The following GSTZ1 variants were observed in gnomAD, a reference collection of about 807,000 sequenced individuals.
GSTZ1 encodes the protein maleylacetoacetate isomerase.
Under a neutral mutation model 35.9 loss-of-function variants are expected in GSTZ1, and 34 were observed. The ratio of observed to expected loss-of-function variants is 0.95; its 90% confidence interval spans 0.72 to 1.26. GSTZ1 has a LOEUF of 1.26. Ranked by LOEUF, GSTZ1 falls within the 50% of genes most tolerant of loss-of-function variation. The probability of loss-of-function intolerance (pLI) is 0.00; values close to 1 mark genes in which losing one functional copy is unlikely to be tolerated. For missense variants in GSTZ1, 263 were observed against 271.7 expected (o/e 0.97, Z 0.23); for synonymous variants, 93 against 101.2 (o/e 0.92, Z 0.49).
rs548919285 is a variant in GSTZ1, at chr14:77,328,231, G to A, written c.342+194G>A. The A allele has an allele frequency of 2.5e-4, 149 of 607,486 alleles. 1 individual carries two copies. In the Admixed American group the frequency reaches 4.1e-3, roughly 17 times the overall value. The allele number at this position is 607,486 out of a possible 1,614,324, so 37.6% of individuals were successfully genotyped here. On this transcript the variant is annotated intron_variant, in intron 5 of 8. Coordinates refer to ENST00000216465, the MANE Select transcript of GSTZ1 (RefSeq NM_145870.3). ...AATTCAGCCCCCCAGCGGGTCCCCC[G>A]CTGCGTTCCGAGAAGCTCTAGTTTC...
At chr14:77,329,948 T>G in intron 7 of GSTZ1, 141 bp downstream of exon 7, 1 of 694,730 alleles carries the variant, frequency 1.4e-6, no homozygotes, top group Non-Finnish European at 2.6e-6. Flanking sequence ...TCACTCCCAC[T>G]AAACCGTCTT....
At position 77,327,953 on chromosome 14, in the gene GSTZ1, G is replaced by T. The variant is rs368148243; in HGVS notation, c.258G>T (p.Pro86=). The T allele has an allele frequency of 1.2e-4, 195 of 1,613,788 alleles. No homozygotes were observed. Among genetic ancestry groups the T allele is most frequent in the Admixed American group, 4.7e-4 (28 of 59,982 alleles). The part of the protein sequence containing the change: ...IEYLEEMRPT[P]RLLPQDPKKR... ...ATCTAGAGGAGATGCGTCCCACTCC[G>T]CGACTTCTGCCTCAGGACCCAAAGA... Residue 86 remains proline, a synonymous_variant, in exon 5 of 9, where the codon CCG becomes CCT. Transcript: ENST00000216465.
rs1230306873 is a variant in GSTZ1, at chr14:77,321,292, G to A, written c.15+109G>A. Reference sequence around the variant, plus strand: ...CCCGCCCAGGCCGACAACGACTCCCGGCATGCAGTGCTTTGCGCCGGGCAC... The same window carrying A: ...CCCGCCCAGGCCGACAACGACTCCCAGCATGCAGTGCTTTGCGCCGGGCAC... On this transcript the variant is annotated intron_variant, in intron 1 of 8. Coordinates refer to ENST00000216465, the MANE Select transcript of GSTZ1 (RefSeq NM_145870.3). 9.2e-6 allele frequency: 14 copies of A among 1,522,510 alleles called. No homozygotes were observed. In the South Asian group the frequency reaches 1.7e-4, roughly 18 times the overall value. The allele number at this position is 1,522,510 out of a possible 1,614,324, so 94.3% of individuals were successfully genotyped here.
At chr14:77,329,360 A>T (rs1468982822) in intron 6 of GSTZ1, 159 bp downstream of exon 6, 6 of 644,580 alleles carry the variant, frequency 9.3e-6, no homozygotes, top group Non-Finnish European at 1.7e-5. Flanking sequence ...CTGGGTGGGC[A>T]TCCAGACCTT....
At chr14:77,322,468 T>G (rs1892069565) in intron 1 of GSTZ1, 1 of 335,706 alleles carries the variant, frequency 3.0e-6, no homozygotes, top group Non-Finnish European at 4.2e-6. Context: ...GATCCAAAGG[T>G]GTAATCCAAA....
chr14:77,328,843 C>T (rs1195215291), intron 5 of GSTZ1: 5 of 488,978 alleles, frequency 1.0e-5, no homozygotes, highest in Non-Finnish European at 1.9e-5. Context: ...GCCATGGCCG[C>T]GTCCTGTGTC....
At chr14:77,326,804 G>A (rs367655462) in intron 2 of GSTZ1, 34 bp from the exon 3 acceptor site, 5 of 1,513,464 alleles carry the variant, frequency 3.3e-6, no homozygotes, top group South Asian at 2.3e-5. Flanking sequence ...GCGAGAGGCT[G>A]TTCTTTGACT....
intron 8 of GSTZ1, among the ~76,000 whole-genome samples, 173 bp from the exon 9 acceptor site, chr14:77,330,896 A>G (rs1178271535): frequency 6.6e-6 from 1 of 152,144 alleles, no homozygotes; most frequent in East Asian, 1.9e-4. Flanking sequence ...CAGATGCCAA[A>G]TGATACTGCA....
intron 8 of GSTZ1, 64 bp from the exon 9 acceptor site, chr14:77,331,005 T>C: frequency 6.6e-7 from 1 of 1,522,872 alleles, no homozygotes; most frequent in Non-Finnish European, 9.0e-7. Flanking sequence ...CTCCCCCTGC[T>C]GCATCAGGGC....
At chr14:77,324,154 T>C (rs1343038306) in intron 1 of GSTZ1, 1 of 63,208 alleles carries the variant, frequency 1.6e-5, no homozygotes, top group African/African-American at 5.2e-5. Context: ...AAAAATGCCT[T>C]TTTTTTTTTT....
chr14:77,329,046 TC>T (rs1435197651), intron 5 of GSTZ1, 76 bp from the exon 6 acceptor site: 11 of 1,024,846 alleles, frequency 1.1e-5, no homozygotes, highest in African/African-American at 4.7e-5. Flanking sequence ...GAAGTGAACT[TC>T]CCTGAGGGGG....
At chr14:77,329,452 A>C in intron 6 of GSTZ1, 1 of 595,002 alleles carries the variant, frequency 1.7e-6, no homozygotes, top group Non-Finnish European at 3.0e-6. Context: ...TTCACTGCCT[A>C]CTCCAGCTGG....
At chr14:77,322,565 G>A (rs2363643) in intron 1 of GSTZ1, 305,498 of 978,104 alleles carry the variant, frequency 0.31, 48,373 homozygotes, top group East Asian at 0.43. Context: ...AGCAGTCCCT[G>A]TCCCTTGGCA....
chr14:77,326,767 A>C lies in GSTZ1; in HGVS notation c.68-71A>C, dbSNP rs1892335406. ...CCCTCTTTGGCCTTAATGTCACCTTAGAAGGGCTCTTTCCTTTAAGAGTAC... is the reference window on the plus strand; with the variant it reads ...CCCTCTTTGGCCTTAATGTCACCTTCGAAGGGCTCTTTCCTTTAAGAGTAC... On this transcript the variant is annotated intron_variant, in intron 2 of 8. Coordinates refer to ENST00000216465, the MANE Select transcript of GSTZ1 (RefSeq NM_145870.3). The C allele has an allele frequency of 2.6e-6, 3 of 1,159,606 alleles. No homozygotes were observed. In the East Asian group the frequency reaches 7.6e-5, roughly 29 times the overall value. The allele number at this position is 1,159,606 out of a possible 1,614,324, so 71.8% of individuals were successfully genotyped here. A position where few individuals can be genotyped will look rare whatever the true frequency, so the allele number is the denominator to read the frequency against.
rs2139555846 is a variant in GSTZ1, at chr14:77,321,199, CCGG to C, written c.15+17_15+19del. 2 of 1,489,446 alleles carry C rather than the reference CCGG, an allele frequency of 1.3e-6. No homozygotes were observed. The highest frequency in any genetic ancestry group is 5.1e-5 in the East Asian group (2 of 39,574). The allele number at this position is 1,489,446 out of a possible 1,614,324, so 92.3% of individuals were successfully genotyped here. On this transcript the variant is annotated intron_variant, in intron 1 of 8. Coordinates refer to ENST00000216465, the MANE Select transcript of GSTZ1 (RefSeq NM_145870.3). ...GGCGGGGAAGGTCTGTGACGCGCAC[CCGG>C]GTGGAGGGAAGCTGGTTAGACACCT...
intron 5 of GSTZ1, chr14:77,328,253 T>C: frequency 1.8e-6 from 1 of 568,436 alleles, no homozygotes; most frequent in African/African-American, 1.9e-5. Context: ...GAAGCTCTAG[T>C]TTCCAAGGAC....
chr14:77,324,799 TG>T, intron 1 of GSTZ1, 70 bp from the exon 2 acceptor site: 1 of 1,450,314 alleles, frequency 6.9e-7, no homozygotes, highest in African/African-American at 1.4e-5. Flanking sequence ...CAGGAAGAAA[TG>T]GTTGACTCCT....
intron 1 of GSTZ1, chr14:77,324,612 A>C (rs1489618165): frequency 2.0e-6 from 3 of 1,533,448 alleles, no homozygotes; most frequent in Non-Finnish European, 2.6e-6. Context: ...ACCATGACAG[A>C]GTCTGGCAAG....
At chr14:77,329,276 A>G in intron 6 of GSTZ1, 75 bp downstream of exon 6, 3 of 1,000,008 alleles carry the variant, frequency 3.0e-6, no homozygotes, top group East Asian at 2.4e-5. Context: ...GGGCCTGGGT[A>G]TCTGAACCAG....
Sources: allele counts gnomAD v4.1 joint callset (sites outside exome capture counted in the v4.1 genomes callset), GRCh38; gene constraint gnomAD v4.1.1; transcripts MANE v1.5; gene names NCBI Gene and HGNC (gene_info 2026-07-23, HGNC 2026-07-21).